MTSS1: variants seen among roughly 807,000 people sequenced by gnomAD.
The protein encoded by MTSS1 is protein MTSS 1.
MTSS1 carries 18 observed loss-of-function variants against 79.0 expected under a neutral mutation model. The observed-to-expected ratio is 0.23, with a 90% CI of 0.16 to 0.34. The LOEUF (loss-of-function observed/expected upper bound fraction) is 0.34. Among genes scored for constraint, MTSS1 ranks in the 10% least tolerant of loss-of-function variants. MTSS1 has a pLI of 1.00. For missense variants in MTSS1, 815 were observed against 986.2 expected (o/e 0.83, Z 2.33); for synonymous variants, 341 against 368.6 (o/e 0.93, Z 0.86).
At chr8:124,558,647 T>G in intron 10 of MTSS1, 2 of 1,459,094 alleles carry the variant, frequency 1.4e-6, no homozygotes, top group Non-Finnish European at 1.8e-6. Context: ...CTGTGAGGGC[T>G]GTCTGAGCAG....
chr8:124,662,199 T>A (rs1822180476), intron 3 of MTSS1, among the ~76,000 whole-genome samples: 1 of 152,100 alleles, frequency 6.6e-6, no homozygotes, highest in African/African-American at 2.4e-5. Flanking sequence ...AACGCTATAA[T>A]TCCGGGTGCC....
chr8:124,569,509 C>G (rs1302061174), intron 6 of MTSS1, among the ~76,000 whole-genome samples: 2 of 152,210 alleles, frequency 1.3e-5, no homozygotes, highest in Admixed American at 6.5e-5. Context: ...AAAGGAGCAG[C>G]TACTACAAAT....
intron 1 of MTSS1, among the ~76,000 whole-genome samples, chr8:124,716,030 C>T (rs1831908481): frequency 6.6e-6 from 1 of 152,176 alleles, no homozygotes; most frequent in Non-Finnish European, 1.5e-5. Context: ...TGCCAATCAC[C>T]CTGACTGGGC....
rs1822720515 is a variant in MTSS1, at chr8:124,552,707, A to G, written c.*285T>C. On this transcript the variant is annotated 3_prime_UTR_variant, in exon 14 of 14. Transcript: ENST00000518547. ...CATTTAAAATTTTACAAAGACTTGT[A>G]AAAAAGTTAAATGGAATTTGGCACC... 2.7e-6 allele frequency: 1 copy of G among 376,318 alleles called. No homozygotes were observed. The highest frequency in any genetic ancestry group is 4.7e-6 in the Non-Finnish European group (1 of 210,570). The allele number at this position is 376,318 out of a possible 1,614,324, so 23.3% of individuals were successfully genotyped here.
At chr8:124,665,896 C>A (rs1822983131) in intron 3 of MTSS1, among the ~76,000 whole-genome samples, 1 of 151,748 alleles carries the variant, frequency 6.6e-6, no homozygotes, top group Non-Finnish European at 1.5e-5. Flanking sequence ...ATCTGGCCCC[C>A]AGAGACAGTC....
Position 124,646,652 on chromosome 8 carries a change from C to T in MTSS1, c.208+52874G>A, listed in dbSNP as rs77881356. Among the ~76,000 whole-genome samples the T allele has an allele frequency of 7.1e-3, 1,075 of 152,120 alleles. 12 individuals carry two copies. The highest frequency in any genetic ancestry group is 0.022 in the African/African-American group (904 of 41,490). On this transcript the variant is annotated intron_variant, in intron 3 of 13. Coordinates refer to ENST00000518547, the MANE Select transcript of MTSS1 (RefSeq NM_014751.6). ...CAAGTGCTTTAAAAGACAAAATGCC[C>T]GTGAGTTTTAAACCATCCACAGAGA...
At chr8:124,637,886 T>C (rs1350666517) in intron 3 of MTSS1, among the ~76,000 whole-genome samples, 2 of 152,202 alleles carry the variant, frequency 1.3e-5, no homozygotes, top group Non-Finnish European at 2.9e-5. Context: ...AACATGAAAA[T>C]AAATCAGGCT....
intron 3 of MTSS1, among the ~76,000 whole-genome samples, chr8:124,655,679 T>A (rs939983994): frequency 3.3e-5 from 5 of 152,168 alleles, no homozygotes; most frequent in Admixed American, 3.3e-4. Context: ...ATGTGTGCAA[T>A]GACAGTGGCA....
Position 124,650,630 on chromosome 8 carries a change from C to A in MTSS1, c.208+48896G>T, listed in dbSNP as rs147990843. On this transcript the variant is annotated intron_variant, in intron 3 of 13. Transcript: ENST00000518547. ...AACCCAGCCTTCTGCCATGCACGAACATCACATTTTCCTGCATTAATGCAA... is the reference window on the plus strand; with the variant it reads ...AACCCAGCCTTCTGCCATGCACGAAAATCACATTTTCCTGCATTAATGCAA... Among the ~76,000 whole-genome samples, 164 of 152,264 alleles carry A rather than the reference C, an allele frequency of 1.1e-3. 1 individual carries two copies. The highest frequency in any genetic ancestry group is 3.7e-3 in the African/African-American group (152 of 41,546).
At chr8:124,641,109 A>T (rs1209678926) in intron 3 of MTSS1, among the ~76,000 whole-genome samples, 2 of 152,002 alleles carry the variant, frequency 1.3e-5, no homozygotes, top group Non-Finnish European at 2.9e-5. Flanking sequence ...ATCAGTAAGC[A>T]CAGAGCTCAT....
rs368369732 is a variant in MTSS1 at position 124,711,561 on chromosome 8, G to A, written c.73-7370C>T. Among the ~76,000 whole-genome samples the A allele has an allele frequency of 7.6e-4, 116 of 152,220 alleles. 4 individuals carry two copies. The South Asian group carries it at 0.023, about 31-fold the overall frequency. On this transcript the variant is annotated intron_variant, in intron 1 of 13. Transcript: ENST00000518547. ...TGGCTTAGACAGCAGGTTGGGTCGC[G>A]CTTTACATGTGGGTCCTATAAGAGC...
chr8:124,594,629 T>A (rs1273030252), intron 3 of MTSS1, among the ~76,000 whole-genome samples: 1 of 152,172 alleles, frequency 6.6e-6, no homozygotes, highest in East Asian at 1.9e-4. Flanking sequence ...TGTGCCTCTG[T>A]AGAACAGGAA....
At position 124,606,759 on chromosome 8, in the gene MTSS1, G is replaced by A. The variant is rs183496257; in HGVS notation, c.209-15524C>T. ...CAAACCGTGCTGTCGCCACTTCCTC[G>A]CTCAACTGTGTACAGTTGGCCGGTC... is the stretch of plus-strand genomic sequence containing the variant. On this transcript the variant is annotated intron_variant, in intron 3 of 13. Coordinates refer to ENST00000518547, the MANE Select transcript of MTSS1 (RefSeq NM_014751.6). Among the ~76,000 whole-genome samples the A allele has an allele frequency of 4.2e-3, 630 of 151,404 alleles. 4 individuals carry two copies. The highest frequency in any genetic ancestry group is 0.014 in the Middle Eastern group (4 of 294).
intron 11 of MTSS1, 109 bp downstream of exon 11, chr8:124,557,572 A>G: frequency 8.9e-7 from 1 of 1,118,662 alleles, no homozygotes; most frequent in Admixed American, 2.5e-5. Flanking sequence ...AAGAAGGCAG[A>G]GTGTGAAAGG....
chr8:124,659,221 G>C (rs909124490), intron 3 of MTSS1, among the ~76,000 whole-genome samples: 7 of 152,112 alleles, frequency 4.6e-5, no homozygotes, highest in African/African-American at 1.7e-4. Context: ...GTACCCTTCT[G>C]CCCTGTTTAG....
intron 3 of MTSS1, among the ~76,000 whole-genome samples, chr8:124,691,108 C>T (rs1227277446): frequency 6.6e-6 from 1 of 152,120 alleles, no homozygotes; most frequent in African/African-American, 2.4e-5. Flanking sequence ...TCATAGCAGA[C>T]GTATATGACT....
intron 1 of MTSS1, among the ~76,000 whole-genome samples, chr8:124,719,234 T>C (rs1372279599): frequency 6.6e-6 from 1 of 152,158 alleles, no homozygotes; most frequent in African/African-American, 2.4e-5. Flanking sequence ...ATCTGTAAAA[T>C]GGGAATTATA....
chr8:124,649,812 C>T (rs554754669), intron 3 of MTSS1, among the ~76,000 whole-genome samples: 1 of 152,152 alleles, frequency 6.6e-6, no homozygotes, highest in Admixed American at 6.5e-5. Context: ...ACTTAATGTT[C>T]TTGTGCTTGG....
intron 3 of MTSS1, among the ~76,000 whole-genome samples, chr8:124,648,713 C>CCCCA (rs200781680): frequency 2.0e-5 from 3 of 151,576 alleles, no homozygotes; most frequent in Admixed American, 1.3e-4. Context: ...ATAGCAGCCC[C>CCCCA]CCCCCAGATA....
Sources: gnomAD v4.1 joint callset for allele counts (sites outside exome capture counted in the v4.1 genomes callset) on GRCh38, gnomAD v4.1.1 for gene constraint, MANE v1.5 for transcripts, NCBI Gene and HGNC (gene_info 2026-07-23, HGNC 2026-07-21) for gene names.